The following SEMA5B variants were observed in gnomAD, a reference collection of about 807,000 sequenced individuals.
SEMA5B encodes semaphorin-5B.
In SEMA5B, 66 loss-of-function variants were observed where a neutral mutation model predicts 135.0. The ratio of observed to expected loss-of-function variants is 0.49; its 90% CI spans 0.40 to 0.60. The LOEUF is 0.60. SEMA5B is among the 20% of genes least tolerant of loss of function. The pLI is 0.00. For missense variants in SEMA5B, 1,501 were observed against 1,566.3 expected, an observed-to-expected ratio of 0.96 and a Z score of 0.70; for synonymous variants, 690 against 639.5, an observed-to-expected ratio of 1.08 and a Z score of -1.19.
chr3:122,927,904 C>T lies in SEMA5B; in HGVS notation c.736G>A (p.Glu246Lys). The stretch of plus-strand genomic sequence containing the variant: ...TCGATGACCGTGGCTGCATAGAGCT[C>T]CCCCTGGGAGGAGATGACAGCTGTG... ...NSTAVISSQGELYAATVIDFS... is the reference protein window; with the variant it reads ...NSTAVISSQGKLYAATVIDFS... The change falls in exon 8 of 23, where the codon GAG becomes AAG. Residue 246 changes from glutamate (E) to lysine (K), a missense_variant. By Grantham distance (56) the Glu-to-Lys change is moderately conservative (BLOSUM62 1). Coordinates refer to ENST00000357599, the MANE Select transcript of SEMA5B (RefSeq NM_001031702.4). The T allele has an allele frequency of 6.3e-7, 1 of 1,595,030 alleles. No individual in the cohort carries two copies. The highest frequency in any genetic ancestry group is 8.5e-7 in the Non-Finnish European group (1 of 1,170,086).
At chr3:122,936,382 C>A (rs1182778210) in intron 5 of SEMA5B, among the ~76,000 whole-genome samples, 1 of 152,160 alleles carries the variant, frequency 6.6e-6, no homozygotes, top group Non-Finnish European at 1.5e-5. Flanking sequence ...CAACTTCAAA[C>A]CACTCCAGGG....
chr3:123,001,916 T>C (rs949712532), intron 1 of SEMA5B, among the ~76,000 whole-genome samples: 16 of 152,278 alleles, frequency 1.1e-4, no homozygotes, highest in African/African-American at 3.9e-4. Context: ...TAAAACACAA[T>C]CCTTGCCCTC....
intron 5 of SEMA5B, among the ~76,000 whole-genome samples, chr3:122,935,510 C>A (rs1215377228): frequency 1.1e-4 from 17 of 151,970 alleles, no homozygotes; most frequent in Non-Finnish European, 7.4e-5. Flanking sequence ...TGGGTCCCAA[C>A]CCTTTAATTT....
At chr3:122,929,649 T>C (rs988028824) in intron 5 of SEMA5B, among the ~76,000 whole-genome samples, 5 of 152,182 alleles carry the variant, frequency 3.3e-5, no homozygotes, top group African/African-American at 1.2e-4. Context: ...CCAAAGGTTA[T>C]GTGTGTTCCC....
intron 1 of SEMA5B, among the ~76,000 whole-genome samples, chr3:123,006,485 A>G (rs1337851151): frequency 1.3e-5 from 2 of 152,222 alleles, no homozygotes; most frequent in Non-Finnish European, 2.9e-5. Flanking sequence ...CACTGAACAC[A>G]TTCAACCTTT....
intron 1 of SEMA5B, among the ~76,000 whole-genome samples, chr3:122,997,382 C>T (rs1942046597): frequency 6.6e-6 from 1 of 152,098 alleles, no homozygotes; most frequent in Non-Finnish European, 1.5e-5. Flanking sequence ...CCTCTCAATC[C>T]CTCCTCTGCC....
intron 1 of SEMA5B, among the ~76,000 whole-genome samples, chr3:122,997,528 G>T (rs141005881): frequency 4.8e-5 from 7 of 145,846 alleles, no homozygotes; most frequent in African/African-American, 1.8e-4. Flanking sequence ...TCCCCCCCCC[G>T]TCTCCACCAG....
At chr3:123,003,353 G>C (rs547540117) in intron 1 of SEMA5B, among the ~76,000 whole-genome samples, 1 of 152,150 alleles carries the variant, frequency 6.6e-6, no homozygotes, top group African/African-American at 2.4e-5. Flanking sequence ...CATGCTTTTA[G>C]TTCAAGTAAC....
chr3:122,964,392 G>A (rs771056828), intron 1 of SEMA5B, among the ~76,000 whole-genome samples: 2 of 152,206 alleles, frequency 1.3e-5, no homozygotes, highest in African/African-American at 4.8e-5. Context: ...TACCAGCTAC[G>A]CAGCTCTACT....
chr3:122,964,809 A>T (rs1274351584), intron 1 of SEMA5B, among the ~76,000 whole-genome samples: 1 of 152,256 alleles, frequency 6.6e-6, no homozygotes, highest in African/African-American at 2.4e-5. Flanking sequence ...GACAGAGAAG[A>T]GAAGGCTGCT....
intron 4 of SEMA5B, among the ~76,000 whole-genome samples, chr3:122,940,844 C>A (rs902481237): frequency 1.2e-4 from 19 of 152,242 alleles, no homozygotes; most frequent in Admixed American, 9.8e-4. Context: ...CTATCCCACC[C>A]TCCTGGCCTG....
intron 14 of SEMA5B, among the ~76,000 whole-genome samples, 181 bp from the exon 15 acceptor site, chr3:122,914,182 T>C (rs905522683): frequency 6.6e-6 from 1 of 152,246 alleles, no homozygotes; most frequent in African/African-American, 2.4e-5. Context: ...GTTCATTTAT[T>C]CCTCCTTCAG....
chr3:122,914,887 G>C (rs1302805342), intron 14 of SEMA5B, among the ~76,000 whole-genome samples: 1 of 152,054 alleles, frequency 6.6e-6, no homozygotes, highest in Non-Finnish European at 1.5e-5. Flanking sequence ...CTCCAGCCTG[G>C]GCAACAGAGT....
At position 122,913,653 on chromosome 3, in the gene SEMA5B, C is replaced by A; in HGVS notation, c.2161G>T (p.Val721Leu). The A allele has an allele frequency of 6.2e-7, 1 of 1,613,704 alleles. No homozygotes were observed. Among genetic ancestry groups the A allele is most frequent in the Non-Finnish European group, 8.5e-7 (1 of 1,179,998 alleles). The change falls in exon 16 of 23, where the codon GTG (valine) becomes TTG (leucine). Residue 721 changes from valine to leucine, a missense_variant. By Grantham distance (32) the Val-to-Leu change is conservative. This residue lies in a region of SEMA5B where 927 missense variants were observed against 881.6 expected (regional missense o/e 1.05). Coordinates refer to ENST00000357599, the MANE Select transcript of SEMA5B (RefSeq NM_001031702.4). ...CCCCAGGAAGCCCAGAAGATGGGCA[C>A]CGGGCAAGGCGTGTTCTCATTACAG... Reference protein sequence around the residue: ...RFCNENTPCPVPIFWASWGSW... With the variant: ...RFCNENTPCPLPIFWASWGSW...
At chr3:122,948,740 G>T in intron 2 of SEMA5B, 31 bp from the exon 3 acceptor site, 1 of 1,543,496 alleles carries the variant, frequency 6.5e-7, no homozygotes, top group Non-Finnish European at 8.8e-7. Context: ...CTCACCAAGC[G>T]CTCCCTCCAA....
chr3:122,958,471 G>A (rs1306540856), intron 2 of SEMA5B, among the ~76,000 whole-genome samples: 1 of 152,204 alleles, frequency 6.6e-6, no homozygotes, highest in Non-Finnish European at 1.5e-5. Flanking sequence ...CAGGGCCACC[G>A]AGTATGGTGG....
chr3:122,974,105 C>T (rs571682663), intron 1 of SEMA5B, among the ~76,000 whole-genome samples: 3 of 152,210 alleles, frequency 2.0e-5, no homozygotes, highest in Admixed American at 6.5e-5. Context: ...CACCACCCCC[C>T]ATCTGCTCCC....
At position 123,027,612 on chromosome 3, in the gene SEMA5B, G is replaced by T. The variant is rs931525030; in HGVS notation, c.-187C>A. 2.0e-5 allele frequency: 3 copies of T among 152,242 alleles called. No homozygotes were observed. Among genetic ancestry groups the T allele is most frequent in the Admixed American group, 6.5e-5 (1 of 15,282 alleles). The allele number at this position is 152,242 out of a possible 1,614,324, so 9.4% of individuals were successfully genotyped here. On this transcript the variant is annotated 5_prime_UTR_variant, in exon 1 of 23. Transcript: ENST00000357599. ...GGCCTCCAGCTCTCAGCGCTCCGGT[G>T]CAGTCCCCACCCGGGCCCGCGCCCG... is the stretch of plus-strand genomic sequence containing the variant.
chr3:123,015,825 C>T (rs185376657), intron 1 of SEMA5B, among the ~76,000 whole-genome samples: 2 of 152,338 alleles, frequency 1.3e-5, no homozygotes, highest in East Asian at 3.9e-4. Context: ...AGGCAACCTG[C>T]AGCTCCAAAG....
Sources: allele counts gnomAD v4.1 joint callset (sites outside exome capture counted in the v4.1 genomes callset), GRCh38; gene constraint gnomAD v4.1.1; regional missense constraint gnomAD v4.1.1; transcripts MANE v1.5; gene names NCBI Gene and HGNC (gene_info 2026-07-23, HGNC 2026-07-21).